Variants in SNX29 observed in about 807,000 individuals in gnomAD.
The protein encoded by SNX29 is sorting nexin 29.
SNX29 carries 78 observed loss-of-function variants against 102.1 expected under a neutral mutation model. The ratio of observed to expected loss-of-function variants is 0.76; its 90% confidence interval spans 0.64 to 0.92. The LOEUF (loss-of-function observed/expected upper bound fraction) is 0.92. Ranked by LOEUF, SNX29 falls within the 40% of genes least tolerant of loss-of-function variation. SNX29 has a pLI of 0.00. For missense variants in SNX29, 1,280 were observed against 1,061.7 expected, an observed-to-expected ratio of 1.21 and a Z score of -2.86; for synonymous variants, 580 against 414.5, an observed-to-expected ratio of 1.40 and a Z score of -4.85.
intron 8 of SNX29, among the ~76,000 whole-genome samples, chr16:12,060,631 C>G (rs1366322620): frequency 6.6e-6 from 1 of 152,108 alleles, no homozygotes; most frequent in African/African-American, 2.4e-5. Context: ...TTTGAGCATC[C>G]TCAGATTTGC....
intron 13 of SNX29, among the ~76,000 whole-genome samples, chr16:12,149,212 C>A (rs1376732911): frequency 6.6e-6 from 1 of 152,172 alleles, no homozygotes; most frequent in Non-Finnish European, 1.5e-5. Context: ...GCCCTGACAC[C>A]TGTGTTCTTG....
At chr16:12,516,492 A>AG (rs1555561007) in intron 19 of SNX29, among the ~76,000 whole-genome samples, 2 of 151,274 alleles carry the variant, frequency 1.3e-5, no homozygotes, top group South Asian at 4.2e-4. Context: ...AAAAAAAAAA[A>AG]AAAAAAAAGG....
At chr16:12,466,144 G>C (rs2087041587) in intron 18 of SNX29, among the ~76,000 whole-genome samples, 1 of 152,124 alleles carries the variant, frequency 6.6e-6, no homozygotes, top group African/African-American at 2.4e-5. Context: ...GTCCCATTCA[G>C]AGCAATTAGA....
Position 12,481,540 on chromosome 16 carries a change from AC to A in SNX29, c.2178+3682del, listed in dbSNP as rs2087928813. ...CACACACACACACACACACACACAC[AC>A]ACACACACACACACCCCAAATGTCA... On this transcript the variant is annotated intron_variant, in intron 19 of 20. Coordinates refer to ENST00000566228, the MANE Select transcript of SNX29 (RefSeq NM_032167.5). Among the ~76,000 whole-genome samples the A allele has an allele frequency of 2.0e-5, 3 of 150,754 alleles. No individual in the cohort carries two copies. In the South Asian group the frequency reaches 6.4e-4, roughly 32 times the overall value.
chr16:12,244,418 G>A (rs534078459), intron 14 of SNX29, among the ~76,000 whole-genome samples: 3 of 152,282 alleles, frequency 2.0e-5, no homozygotes, highest in South Asian at 2.1e-4. Context: ...AGACCAGCCT[G>A]GCCAACATGG....
rs1031456241 is a variant in SNX29, at chr16:12,572,468, C to T, written c.*3839C>T. On this transcript the variant is annotated 3_prime_UTR_variant, in exon 21 of 21. Coordinates refer to ENST00000566228, the MANE Select transcript of SNX29 (RefSeq NM_032167.5). ...TTCTGCATGGTACATTTTGCCAACC[C>T]TGAGGACCAGTTCTTGGGGTTCCAG... is the stretch of plus-strand genomic sequence containing the variant. 3.8e-6 allele frequency: 4 copies of T among 1,063,788 alleles called. No individual in the cohort carries two copies. In the African/African-American group the frequency reaches 4.9e-5, roughly 13 times the overall value. The allele number at this position is 1,063,788 out of a possible 1,614,324, so 65.9% of individuals were successfully genotyped here. A position where few individuals can be genotyped will look rare whatever the true frequency, so the allele number is the denominator to read the frequency against.
intron 15 of SNX29, among the ~76,000 whole-genome samples, chr16:12,308,239 C>T (rs2080407402): frequency 6.6e-6 from 1 of 152,190 alleles, no homozygotes; most frequent in Non-Finnish European, 1.5e-5. Flanking sequence ...CTCATCTGTC[C>T]CCACCAGGTG....
chr16:12,529,439 C>T (rs1009476643), intron 20 of SNX29, among the ~76,000 whole-genome samples: 1 of 152,204 alleles, frequency 6.6e-6, no homozygotes, highest in African/African-American at 2.4e-5. Context: ...CAAGAATTCG[C>T]TCAGTGAGAC....
intron 15 of SNX29, among the ~76,000 whole-genome samples, chr16:12,337,601 G>A (rs289672): frequency 6.6e-6 from 1 of 152,326 alleles, no homozygotes; most frequent in Admixed American, 6.5e-5. Flanking sequence ...CTCGGCCTGC[G>A]AAAGTGCTAG....
rs780103695 is a variant in SNX29, at chr16:12,568,579, G to T, written c.2392G>T (p.Gly798Cys). ...AASRFPKLSRGQPRETRNVEP... is the reference protein window; with the variant it reads ...AASRFPKLSRCQPRETRNVEP... The stretch of plus-strand genomic sequence containing the variant: ...TTCCCGCTTCCCCAAACTGTCCCGG[G>T]GTCAGCCCCGGGAGACCCGCAACGT... The change falls in exon 21 of 21, where the codon GGT becomes TGT. Residue 798 changes from glycine (G) to cysteine (C), a missense_variant. Coordinates refer to ENST00000566228, the MANE Select transcript of SNX29 (RefSeq NM_032167.5). 4.8e-5 allele frequency: 77 copies of T among 1,607,232 alleles called. No individual in the cohort carries two copies. In the African/African-American group the frequency reaches 8.8e-4, roughly 18 times the overall value.
At chr16:12,019,309 G>A (rs1596608416) in intron 3 of SNX29, among the ~76,000 whole-genome samples, 3 of 152,112 alleles carry the variant, frequency 2.0e-5, no homozygotes, top group East Asian at 1.9e-4. Context: ...CCAGGTTCAC[G>A]CCATTCTCCT....
intron 20 of SNX29, among the ~76,000 whole-genome samples, chr16:12,540,064 T>G (rs1005687967): frequency 6.6e-6 from 1 of 152,222 alleles, no homozygotes; most frequent in African/African-American, 2.4e-5. Context: ...CAGATCATGC[T>G]TTTGGTGTCA....
At chr16:12,435,594 G>C (rs1282550665) in intron 18 of SNX29, among the ~76,000 whole-genome samples, 1 of 152,208 alleles carries the variant, frequency 6.6e-6, no homozygotes, top group Non-Finnish European at 1.5e-5. Context: ...AAACACCAGA[G>C]GACGCAGTTT....
At chr16:12,143,329 A>T (rs1418792112) in intron 13 of SNX29, among the ~76,000 whole-genome samples, 2 of 152,148 alleles carry the variant, frequency 1.3e-5, no homozygotes, top group Non-Finnish European at 2.9e-5. Flanking sequence ...CTTCAGTCTG[A>T]CAGCTCCAGG....
intron 14 of SNX29, among the ~76,000 whole-genome samples, chr16:12,201,717 C>T (rs1448389992): frequency 6.6e-6 from 1 of 152,188 alleles, no homozygotes; most frequent in Non-Finnish European, 1.5e-5. Flanking sequence ...GACTCTAATG[C>T]AGGTGACCTG....
chr16:12,068,813 G>C (rs2051158861), intron 9 of SNX29, among the ~76,000 whole-genome samples: 1 of 152,206 alleles, frequency 6.6e-6, no homozygotes, highest in Non-Finnish European at 1.5e-5. Context: ...GGGATTACAG[G>C]AGTGAGCCGC....
At chr16:12,159,433 G>A (rs1423583188) in intron 13 of SNX29, among the ~76,000 whole-genome samples, 2 of 152,166 alleles carry the variant, frequency 1.3e-5, no homozygotes, top group African/African-American at 2.4e-5. Context: ...CTTCAACTTC[G>A]GATATCTTGG....
At chr16:12,060,144 CA>C (rs201847438) in intron 8 of SNX29, among the ~76,000 whole-genome samples, 248 of 150,064 alleles carry the variant, frequency 1.7e-3, no homozygotes, top group African/African-American at 2.5e-3. Context: ...AAAATATTAC[CA>C]AAAAAAAACC....
rs1355104842 is a variant in SNX29, at chr16:11,991,795, C to T, written c.8-7502C>T. ...CTCAAACTCCTGACCTCAAGTGATCCACCCACTTTGGCCTCCCAAAGTGCT... is the reference window on the plus strand; with the variant it reads ...CTCAAACTCCTGACCTCAAGTGATCTACCCACTTTGGCCTCCCAAAGTGCT... On this transcript the variant is annotated intron_variant, in intron 1 of 20. Transcript: ENST00000566228. 2.6e-5 allele frequency among the ~76,000 whole-genome samples: 4 copies of T among 151,074 alleles called. No individual in the cohort carries two copies. In the East Asian group the frequency reaches 5.9e-4, roughly 22 times the overall value.
Sources: allele counts gnomAD v4.1 joint callset (sites outside exome capture counted in the v4.1 genomes callset), GRCh38; gene constraint gnomAD v4.1.1; transcripts MANE v1.5; gene names NCBI Gene and HGNC (gene_info 2026-07-23, HGNC 2026-07-21).